The following SLC4A11 variants were observed in gnomAD, a reference collection of about 807,000 sequenced individuals.
SLC4A11 encodes the protein bicarbonate transporter related protein 1.
SLC4A11 carries 74 observed loss-of-function variants against 95.0 expected under a neutral mutation model. The observed-to-expected ratio is 0.78, with a 90% confidence interval of 0.65 to 0.95. The LOEUF (loss-of-function observed/expected upper bound fraction) is 0.95. SLC4A11 is among the 40% of genes least tolerant of loss of function. The pLI, the probability that SLC4A11 is intolerant of heterozygous loss-of-function variation, is 0.00. For missense variants in SLC4A11, 1,081 were observed against 1,192.4 expected (o/e 0.91, Z 1.38); for synonymous variants, 548 against 519.0 (o/e 1.06, Z -0.76).
chr20:3,230,830 A>G lies in SLC4A11; in HGVS notation c.1184T>C (p.Ile395Thr), dbSNP rs925455284. 1.4e-5 allele frequency: 22 copies of G among 1,613,154 alleles called. No individual in the cohort carries two copies. The highest frequency in any genetic ancestry group is 1.9e-5 in the Non-Finnish European group (22 of 1,179,934). Residue 395 changes from isoleucine (I) to threonine (T), a missense_variant, in exon 11 of 20, where the codon ATA (isoleucine) becomes ACA (threonine). Physicochemically the swap from Ile to Thr is moderately conservative, Grantham distance 89 (BLOSUM62 -1). Around this residue, in one of 3 missense-constraint regions of SLC4A11, gnomAD observed 767 missense variants for 858.0 expected, o/e 0.89. Transcript: ENST00000642402. ...CAGGCCCCCGATGCTCTGCCCGGCTATGGTCTTCTGCACGTCTGTGGGGGT... is the reference window on the plus strand; with the variant it reads ...CAGGCCCCCGATGCTCTGCCCGGCTGTGGTCTTCTGCACGTCTGTGGGGGT... ...TDGAIDVQKT[I>T]AGQSIGGLLY...
intron 2 of SLC4A11, among the ~76,000 whole-genome samples, chr20:3,236,970 C>A (rs1415938544): frequency 6.6e-6 from 1 of 152,150 alleles, no homozygotes; most frequent in Non-Finnish European, 1.5e-5. Flanking sequence ...AGCCCCATGT[C>A]CTGAGGGCTC....
intron 16 of SLC4A11, 25 bp downstream of exon 16, chr20:3,229,070 C>T: frequency 6.4e-7 from 1 of 1,554,094 alleles, no homozygotes; most frequent in East Asian, 2.4e-5. Context: ...GCCCCGCCCA[C>T]CCCACCCTCA....
At position 3,231,219 on chromosome 20, in the gene SLC4A11, G is replaced by A; in HGVS notation, c.972C>T (p.Val324=). ...CCTCCCGGATGCCCTTCCCAAAAGG[G>A]ACAAAGTCCTTGCACTTTGGGGGCT... is the stretch of plus-strand genomic sequence containing the variant. The part of the protein sequence containing the change: ...HPEPPKCKDF[V]PFGKGIREDI... Residue 324 remains valine (V), a synonymous_variant, in exon 9 of 20, where the codon GTC becomes GTT. Transcript: ENST00000642402. The surrounding 1 kb of genome is among the most constrained non-coding windows in gnomAD (Gnocchi z 5.2). 3 of 1,614,012 alleles carry A rather than the reference G, an allele frequency of 1.9e-6. No homozygotes were observed. Among genetic ancestry groups the A allele is most frequent in the Non-Finnish European group, 2.5e-6 (3 of 1,180,006 alleles).
chr20:3,233,614 T>G lies in SLC4A11; in HGVS notation c.629A>C (p.Lys210Thr). ...CIICTMKALQKRHVCISRLVR... is the reference protein window; with the variant it reads ...CIICTMKALQTRHVCISRLVR... ...CAGGCGGCTGATGCACACGTGCCGC[T>G]TCTGTAGGGCCTTCATGGTACAGCT... is the stretch of plus-strand genomic sequence containing the variant. The change falls in exon 7 of 20, where the codon AAG becomes ACG. Residue 210 changes from lysine (K) to threonine (T), a missense_variant. Around this residue, in one of 3 missense-constraint regions of SLC4A11, gnomAD observed 310 missense variants for 313.5 expected, o/e 0.99. Transcript: ENST00000642402. The G allele has an allele frequency of 6.2e-7, 1 of 1,613,158 alleles. No individual in the cohort carries two copies. Among genetic ancestry groups the G allele is most frequent in the South Asian group, 1.1e-5 (1 of 91,088 alleles).
Position 3,228,248 on chromosome 20 carries a change from CCCG to C in SLC4A11, c.2558+8_2558+10del. ...CTGGGCCCCTCCTGCCCACTGCCCA[CCCG>C]CCTGTACCGGATGGGGATCATGGCG... On this transcript the variant is annotated splice_region_variant and intron_variant, in intron 19 of 19. Coordinates refer to ENST00000642402, the MANE Select transcript of SLC4A11 (RefSeq NM_001174089.2). The C allele has an allele frequency of 2.5e-6, 4 of 1,611,956 alleles. No individual in the cohort carries two copies. Among genetic ancestry groups the C allele is most frequent in the Non-Finnish European group, 3.4e-6 (4 of 1,179,760 alleles).
At position 3,237,702 on chromosome 20, in the gene SLC4A11, C is replaced by A. The variant is rs762747895; in HGVS notation, c.44-114G>T. The stretch of plus-strand genomic sequence containing the variant: ...CATTCCTTCGCTCTTCCGAGGGATG[C>A]AACCCACGCCACCCTAGGGAGAAAG... On this transcript the variant is annotated intron_variant, in intron 1 of 19. Transcript: ENST00000642402. 5 of 1,614,056 alleles carry A rather than the reference C, an allele frequency of 3.1e-6. No homozygotes were observed. In the Admixed American group the frequency reaches 8.3e-5, roughly 27 times the overall value.
chr20:3,227,680 G>T lies in SLC4A11; in HGVS notation c.*107C>A. 8.3e-7 allele frequency: 1 copy of T among 1,210,900 alleles called. No individual in the cohort carries two copies. 75.0% of individuals were successfully genotyped at this position (1,210,900 alleles called of 1,614,324 possible). A position where few individuals can be genotyped will look rare whatever the true frequency, so the allele number is the denominator to read the frequency against. On this transcript the variant is annotated 3_prime_UTR_variant, in exon 20 of 20. Transcript: ENST00000642402. ...AGGCCTGAGTCAGCCATGAGAAGGC[G>T]CAGCACAGAGCAGTCACCCACACAC...
intron 1 of SLC4A11, chr20:3,238,035 A>T: frequency 6.5e-7 from 1 of 1,529,214 alleles, no homozygotes; most frequent in South Asian, 1.2e-5. Context: ...TCTCACTCTC[A>T]GACCGGTCCT....
chr20:3,233,709 C>T lies in SLC4A11; in HGVS notation c.606-72G>A, dbSNP rs1012947981. The T allele has an allele frequency of 1.2e-5, 19 of 1,599,880 alleles. No individual in the cohort carries two copies. The East Asian group carries it at 4.2e-4, about 36-fold the overall frequency. On this transcript the variant is annotated intron_variant, in intron 6 of 19. Transcript: ENST00000642402. ...CTGGGGCTCCCCGACCCAGAACCCC[C>T]TCGACCTTGACCCCTGGCGACCTCT...
intron 10 of SLC4A11, 32 bp from the exon 11 acceptor site, chr20:3,230,877 C>T (rs1309855390): frequency 6.2e-7 from 1 of 1,612,966 alleles, no homozygotes; most frequent in Non-Finnish European, 8.5e-7. Flanking sequence ...GTGGGCGCCG[C>T]AGCCCAGGGC....
intron 2 of SLC4A11, among the ~76,000 whole-genome samples, chr20:3,235,299 TCTCTCTCTCTCACACA>T (rs2067936936): frequency 8.8e-6 from 1 of 113,866 alleles, no homozygotes; most frequent in Non-Finnish European, 1.9e-5. Context: ...TCTCTCTCTC[TCTCTCTCTCTCACACA>T]CACACACACA....
intron 14 of SLC4A11, 35 bp downstream of exon 14, chr20:3,229,489 C>G: frequency 3.7e-6 from 6 of 1,612,858 alleles, no homozygotes; most frequent in South Asian, 1.1e-5. Context: ...GCCTTTGACC[C>G]ATGCGGCCCC....
chr20:3,233,463 G>T (rs1404222710), intron 7 of SLC4A11, 51 bp downstream of exon 7: 7 of 1,609,530 alleles, frequency 4.3e-6, no homozygotes, highest in South Asian at 1.1e-5. Context: ...AGCAGAGGGC[G>T]GGTAACCCGG....
chr20:3,237,992 G>A (rs2068040711), intron 1 of SLC4A11: 6 of 1,547,864 alleles, frequency 3.9e-6, no homozygotes, highest in Non-Finnish European at 5.2e-6. Context: ...CTCCTCGGAT[G>A]CCAAGGCGGG....
At position 3,234,810 on chromosome 20, in the gene SLC4A11, G is replaced by A. The variant is rs963083909; in HGVS notation, c.173C>T (p.Ser58Phe). 4 of 1,613,948 alleles carry A rather than the reference G, an allele frequency of 2.5e-6. No individual in the cohort carries two copies. The highest frequency in any genetic ancestry group is 3.4e-6 in the Non-Finnish European group (4 of 1,180,036). ...GDEAFDTANS[S>F]IVSGESIRFF... ...ACGGATACTCTCGCCAGACACGATG[G>A]AGGAGTTGGCAGTGTCGAAGGCCTC... Residue 58 changes from serine (S) to phenylalanine (F), a missense_variant, in exon 3 of 20, where the codon TCC becomes TTC. Physicochemically the swap from Ser to Phe is radical, Grantham distance 155. Transcript: ENST00000642402. This position sits in a 1 kb window ranked among gnomAD's most constrained non-coding sequence, Gnocchi z 5.8.
In SLC4A11 at chr20:3,229,234, T is replaced by C; in HGVS notation, c.1879A>G (p.Ser627Gly). The change falls in exon 16 of 20, where the codon AGC (serine) becomes GGC (glycine). Residue 627 changes from serine (S) to glycine (G), a missense_variant. Physicochemically the swap from Ser to Gly is moderately conservative, Grantham distance 56. Transcript: ENST00000642402. Reference protein sequence around the residue: ...MSKFRYNPSESPFAMAQIQSL... With the variant: ...MSKFRYNPSEGPFAMAQIQSL... ...TGGATCTGCGCCATCGCAAAGGGGC[T>C]CTCGCTGGGGTTGTAGCGGAACTTG... is the stretch of plus-strand genomic sequence containing the variant. The C allele has an allele frequency of 6.2e-7, 1 of 1,612,830 alleles. No homozygotes were observed. Among genetic ancestry groups the C allele is most frequent in the South Asian group, 1.1e-5 (1 of 91,064 alleles).
intron 1 of SLC4A11, chr20:3,237,841 C>G: frequency 1.3e-6 from 2 of 1,555,908 alleles, no homozygotes; most frequent in Admixed American, 1.9e-5. Flanking sequence ...GGGCCAGAGG[C>G]GAGGAGGAGA....
chr20:3,238,521 C>A (rs2068061962), intron 1 of SLC4A11: 1 of 985,514 alleles, frequency 1.0e-6, no homozygotes, highest in Non-Finnish European at 1.2e-6. Context: ...CCCGGCGGCC[C>A]ACGTGCAGGT....
chr20:3,228,442 G>A lies in SLC4A11; in HGVS notation c.2389-14C>T, dbSNP rs1379851556. 6.2e-7 allele frequency: 1 copy of A among 1,612,982 alleles called. No homozygotes were observed. The highest frequency in any genetic ancestry group is 8.5e-7 in the Non-Finnish European group (1 of 1,179,942). Reference sequence around the variant, plus strand: ...GGGGTACGCAGTCTGTGGGCGGCAGGGACCGGGTGTGGGCAGGCATGGGGC... The same window carrying A: ...GGGGTACGCAGTCTGTGGGCGGCAGAGACCGGGTGTGGGCAGGCATGGGGC... On this transcript the variant is annotated splice_polypyrimidine_tract_variant and intron_variant, in intron 18 of 19. Transcript: ENST00000642402.
Sources: allele counts gnomAD v4.1 joint callset (sites outside exome capture counted in the v4.1 genomes callset), GRCh38; gene constraint gnomAD v4.1.1; regional missense constraint gnomAD v4.1.1; non-coding constraint Gnocchi (gnomAD v3.1); transcripts MANE v1.5; gene names NCBI Gene and HGNC (gene_info 2026-07-23, HGNC 2026-07-21).